CRACDL: variants seen among roughly 807,000 people sequenced by gnomAD.
CRACDL encodes CRACD like, also known as CRACD-like protein.
Under a neutral mutation model 70.6 loss-of-function variants are expected in CRACDL, and 26 were observed. The ratio of observed to expected loss-of-function variants is 0.37; its 90% CI spans 0.27 to 0.51. The LOEUF is 0.51. Ranked by LOEUF, CRACDL falls within the 20% of genes least tolerant of loss-of-function variation. CRACDL has a pLI of 0.94. For synonymous variants in CRACDL, 618 were observed against 615.2 expected (o/e 1.00, Z -0.07); for missense variants, 1,283 against 1,376.9 (o/e 0.93, Z 1.08).
At chr2:98,903,916 G>A (rs536490283) in intron 1 of CRACDL, among the ~76,000 whole-genome samples, 7 of 152,272 alleles carry the variant, frequency 4.6e-5, no homozygotes, top group Middle Eastern at 3.4e-3. Flanking sequence ...CTGCTCTCCC[G>A]GCCCTCAGCC....
intron 1 of CRACDL, among the ~76,000 whole-genome samples, chr2:98,925,999 AT>A (rs756060388): frequency 2.6e-4 from 39 of 152,312 alleles, no homozygotes; most frequent in Non-Finnish European, 4.4e-4. Flanking sequence ...GCTACAAAAA[AT>A]AACTGTATTT....
chr2:98,875,909 G>A lies in CRACDL; in HGVS notation c.-10-29099C>T, dbSNP rs375926978. 1.4e-4 allele frequency among the ~76,000 whole-genome samples: 21 copies of A among 152,340 alleles called. No individual in the cohort carries two copies. In the South Asian group the frequency reaches 2.7e-3, roughly 20 times the overall value. On this transcript the variant is annotated intron_variant, in intron 1 of 9. Coordinates refer to ENST00000397899, the MANE Select transcript of CRACDL (RefSeq NM_207362.3). ...GCCACAGATGCCAACGATTTGCCCC[G>A]GTGGGGCTGCAGAACATTGTCTGTA...
intron 3 of CRACDL, among the ~76,000 whole-genome samples, 189 bp downstream of exon 3, chr2:98,837,930 T>C (rs573460225): frequency 3.3e-5 from 5 of 152,172 alleles, no homozygotes; most frequent in Admixed American, 2.6e-4. Flanking sequence ...CCCACAGTTA[T>C]TGTGGACTTA....
chr2:98,812,953 T>C (rs965954409), intron 7 of CRACDL, among the ~76,000 whole-genome samples: 17 of 152,178 alleles, frequency 1.1e-4, no homozygotes, highest in Non-Finnish European at 4.4e-5. Context: ...ATCCCAAATA[T>C]TTTCTCATAT....
At chr2:98,876,649 A>G (rs1707495311) in intron 1 of CRACDL, among the ~76,000 whole-genome samples, 1 of 152,178 alleles carries the variant, frequency 6.6e-6, no homozygotes, top group Non-Finnish European at 1.5e-5. Flanking sequence ...CTTCCATGAA[A>G]CTGATCTCTG....
intron 1 of CRACDL, among the ~76,000 whole-genome samples, chr2:98,873,148 A>T (rs556443107): frequency 3.9e-5 from 6 of 152,226 alleles, no homozygotes; most frequent in African/African-American, 1.4e-4. Context: ...GTAAGTTTCT[A>T]TGCAGTGCCT....
intron 7 of CRACDL, among the ~76,000 whole-genome samples, chr2:98,814,408 G>A (rs1704700385): frequency 6.6e-6 from 1 of 152,042 alleles, no homozygotes; most frequent in Admixed American, 6.5e-5. Context: ...TTGATCCATG[G>A]ATTATATAGT....
chr2:98,926,485 G>A (rs1708912666), intron 1 of CRACDL, among the ~76,000 whole-genome samples: 2 of 152,138 alleles, frequency 1.3e-5, no homozygotes, highest in Non-Finnish European at 2.9e-5. Context: ...TTTACTGCTG[G>A]CTCCCAAGAG....
chr2:98,796,354 A>C, intron 8 of CRACDL, 90 bp from the exon 9 acceptor site: 1 of 1,349,164 alleles, frequency 7.4e-7, no homozygotes, highest in Non-Finnish European at 1.0e-6. Flanking sequence ...AAAGCTGCTC[A>C]TCCAAGATGC....
chr2:98,829,792 T>C (rs1182279117), intron 5 of CRACDL, among the ~76,000 whole-genome samples: 2 of 152,078 alleles, frequency 1.3e-5, no homozygotes, highest in African/African-American at 4.8e-5. Flanking sequence ...AGGAGTGGGC[T>C]GGGGGCAGTG....
intron 1 of CRACDL, among the ~76,000 whole-genome samples, chr2:98,916,642 T>G (rs1708674058): frequency 6.6e-6 from 1 of 152,240 alleles, no homozygotes; most frequent in Non-Finnish European, 1.5e-5. Flanking sequence ...AAATATCATT[T>G]TTTTTAATGT....
intron 1 of CRACDL, among the ~76,000 whole-genome samples, chr2:98,854,173 C>T (rs1242175647): frequency 1.4e-5 from 2 of 147,640 alleles, no homozygotes; most frequent in African/African-American, 5.0e-5. Flanking sequence ...TCCCAGTATT[C>T]GGGAGGCTGA....
chr2:98,915,270 G>A (rs963906480), intron 1 of CRACDL, among the ~76,000 whole-genome samples: 3 of 152,214 alleles, frequency 2.0e-5, no homozygotes, highest in Admixed American at 6.5e-5. Context: ...CTTTCTACAC[G>A]GAACAGCACA....
At chr2:98,810,188 G>A (rs1021525885) in intron 7 of CRACDL, among the ~76,000 whole-genome samples, 1 of 152,198 alleles carries the variant, frequency 6.6e-6, no homozygotes, top group African/African-American at 2.4e-5. Flanking sequence ...TCTAGTTCAG[G>A]GGTCGAGTGA....
intron 1 of CRACDL, among the ~76,000 whole-genome samples, chr2:98,915,826 C>T (rs571022113): frequency 1.6e-4 from 25 of 152,200 alleles, no homozygotes; most frequent in Non-Finnish European, 2.9e-4. Flanking sequence ...AGCACATCCG[C>T]TGACCACCAC....
intron 1 of CRACDL, among the ~76,000 whole-genome samples, chr2:98,877,632 C>T (rs1227187142): frequency 6.6e-5 from 10 of 151,906 alleles, no homozygotes; most frequent in Non-Finnish European, 1.5e-4. Flanking sequence ...GCCTATAGTC[C>T]CAGCAACTCG....
intron 1 of CRACDL, among the ~76,000 whole-genome samples, chr2:98,904,641 C>T (rs1285592201): frequency 6.6e-6 from 1 of 152,228 alleles, no homozygotes; most frequent in Non-Finnish European, 1.5e-5. Flanking sequence ...ACAAAGCCAC[C>T]TTTAATTTAT....
intron 1 of CRACDL, among the ~76,000 whole-genome samples, chr2:98,900,551 G>T (rs1161716581): frequency 6.6e-6 from 1 of 152,112 alleles, no homozygotes; most frequent in Non-Finnish European, 1.5e-5. Context: ...GTGAGAAAAA[G>T]AACAGGGGTG....
intron 2 of CRACDL, among the ~76,000 whole-genome samples, chr2:98,843,223 C>T (rs1228890557): frequency 6.6e-6 from 1 of 152,072 alleles, no homozygotes; most frequent in Non-Finnish European, 1.5e-5. Context: ...TTAAAATTTG[C>T]TCCCCATTTT....
Sources: allele counts gnomAD v4.1 joint callset (sites outside exome capture counted in the v4.1 genomes callset), GRCh38; gene constraint gnomAD v4.1.1; transcripts MANE v1.5; gene names NCBI Gene and HGNC (gene_info 2026-07-23, HGNC 2026-07-21).